Variants in TPST1 observed in about 807,000 individuals in gnomAD.
The protein encoded by TPST1 is tyrosylprotein sulfotransferase 1, also known as protein-tyrosine sulfotransferase 1.
TPST1 carries 20 observed loss-of-function variants against 34.8 expected under a neutral mutation model. The observed-to-expected ratio is 0.57, with a 90% CI of 0.40 to 0.84. The LOEUF is 0.84. Ranked by LOEUF, TPST1 falls within the 40% of genes least tolerant of loss-of-function variation. The pLI, the probability that TPST1 is intolerant of heterozygous loss-of-function variation, is 0.00. For missense variants in TPST1, 353 were observed against 455.5 expected, an observed-to-expected ratio of 0.78 and a Z score of 2.05; for synonymous variants, 152 against 159.4, an observed-to-expected ratio of 0.95 and a Z score of 0.35.
intron 3 of TPST1, among the ~76,000 whole-genome samples, chr7:66,313,257 T>C (rs1456884855): frequency 6.6e-6 from 1 of 151,524 alleles, no homozygotes; most frequent in Non-Finnish European, 1.5e-5. Context: ...CTACTGAAAA[T>C]ACAAAAAATT....
At chr7:66,342,971 C>G (rs1259666041) in intron 3 of TPST1, among the ~76,000 whole-genome samples, 3 of 152,114 alleles carry the variant, frequency 2.0e-5, no homozygotes, top group African/African-American at 7.2e-5. Context: ...GCAGCCCTCT[C>G]TAGCCTTCCT....
At chr7:66,247,533 T>A (rs1470349108) in intron 2 of TPST1, among the ~76,000 whole-genome samples, 2 of 152,164 alleles carry the variant, frequency 1.3e-5, no homozygotes, top group Non-Finnish European at 2.9e-5. Flanking sequence ...AACTGAGCCC[T>A]AAAGAAGGGT....
chr7:66,228,697 T>C (rs1584151909), intron 1 of TPST1, among the ~76,000 whole-genome samples: 2 of 152,316 alleles, frequency 1.3e-5, no homozygotes, highest in African/African-American at 2.4e-5. Flanking sequence ...GTTCATAAGA[T>C]GGAAAATACA....
At chr7:66,206,389 C>A (rs532371199) in intron 1 of TPST1, among the ~76,000 whole-genome samples, 1 of 152,308 alleles carries the variant, frequency 6.6e-6, no homozygotes, top group African/African-American at 2.4e-5. Context: ...TAGCCTCTTC[C>A]TCCTTCCAGG....
chr7:66,349,894 A>G (rs575218636), intron 3 of TPST1, among the ~76,000 whole-genome samples: 1 of 152,348 alleles, frequency 6.6e-6, no homozygotes, highest in East Asian at 1.9e-4. Flanking sequence ...TTCTTGACCC[A>G]CAGACAATAG....
chr7:66,210,008 C>G (rs760362295), intron 1 of TPST1, among the ~76,000 whole-genome samples: 3 of 152,006 alleles, frequency 2.0e-5, no homozygotes, highest in Non-Finnish European at 2.9e-5. Flanking sequence ...TCTCTGGTAG[C>G]ATTGTAGAGA....
At chr7:66,215,918 G>A (rs963637461) in intron 1 of TPST1, among the ~76,000 whole-genome samples, 1 of 150,912 alleles carries the variant, frequency 6.6e-6, no homozygotes, top group Non-Finnish European at 1.5e-5. Context: ...GACTACAGGC[G>A]CCCGCCACGA....
chr7:66,328,904 A>C (rs866106996), intron 3 of TPST1, among the ~76,000 whole-genome samples: 2 of 25,994 alleles, frequency 7.7e-5, no homozygotes, highest in Non-Finnish European at 1.2e-4. Context: ...ATATATATAT[A>C]TATTTTTTTT....
At chr7:66,269,299 G>T (rs1790652056) in intron 2 of TPST1, among the ~76,000 whole-genome samples, 1 of 152,098 alleles carries the variant, frequency 6.6e-6, no homozygotes, top group African/African-American at 2.4e-5. Context: ...TTACATAAAA[G>T]AAAACTTTAG....
At chr7:66,316,002 C>T (rs1584233807) in intron 3 of TPST1, among the ~76,000 whole-genome samples, 1 of 151,592 alleles carries the variant, frequency 6.6e-6, no homozygotes, top group Non-Finnish European at 1.5e-5. Flanking sequence ...CCCAGCTACT[C>T]GGGAGGCTGA....
Position 66,241,171 on chromosome 7 carries a change from G to A in TPST1, c.746G>A (p.Trp249Ter). 3.7e-6 allele frequency: 6 copies of A among 1,614,138 alleles called. No homozygotes were observed. The highest frequency in any genetic ancestry group is 5.1e-6 in the Non-Finnish European group (6 of 1,180,024). Residue 249 changes from tryptophan (W) to a stop codon, truncating the protein, a stop_gained, in exon 2 of 6, where the codon TGG (tryptophan) becomes TAG (stop). Transcript: ENST00000304842. LOFTEE classifies it high-confidence loss of function. Reference sequence around the variant, plus strand: ...CAACTTGTCTTACATCCTGAACGGTGGATGAGAACACTCTTAAAGTTCCTC... The same window carrying A: ...CAACTTGTCTTACATCCTGAACGGTAGATGAGAACACTCTTAAAGTTCCTC... ...YEQLVLHPER[W>*]MRTLLKFLQI...
At chr7:66,269,601 T>C (rs894677576) in intron 2 of TPST1, among the ~76,000 whole-genome samples, 9 of 84,702 alleles carry the variant, frequency 1.1e-4, no homozygotes, top group Non-Finnish European at 2.2e-4. Context: ...TACCTAGATA[T>C]AGTAAAGACT....
intron 3 of TPST1, among the ~76,000 whole-genome samples, chr7:66,293,059 A>C (rs956191753): frequency 6.6e-6 from 1 of 152,140 alleles, no homozygotes; most frequent in Non-Finnish European, 1.5e-5. Context: ...ACAAAAAATT[A>C]GCCAGGCGTG....
chr7:66,199,798 C>G, the TPST1 span, among the ~76,000 whole-genome samples: 1 of 151,662 alleles, frequency 6.6e-6, no homozygotes, highest in Non-Finnish European at 1.5e-5. Context: ...ACTGCAGCCT[C>G]TGCCTCCTGG....
chr7:66,209,623 T>G (rs1789204133), intron 1 of TPST1, among the ~76,000 whole-genome samples: 1 of 152,326 alleles, frequency 6.6e-6, no homozygotes, highest in East Asian at 1.9e-4. Flanking sequence ...ACCTGTAGAT[T>G]ATACAGGCTT....
At chr7:66,265,325 A>G (rs899701401) in intron 2 of TPST1, among the ~76,000 whole-genome samples, 1 of 152,108 alleles carries the variant, frequency 6.6e-6, no homozygotes, top group Non-Finnish European at 1.5e-5. Context: ...CAAAACAGGC[A>G]GGTCTCTTGA....
chr7:66,266,507 C>G (rs1190088807), intron 2 of TPST1, among the ~76,000 whole-genome samples: 1 of 152,148 alleles, frequency 6.6e-6, no homozygotes, highest in African/African-American at 2.4e-5. Flanking sequence ...CCTACAAATC[C>G]ACTCCTACAT....
intron 1 of TPST1, among the ~76,000 whole-genome samples, chr7:66,233,729 C>A (rs1461192169): frequency 6.6e-6 from 1 of 152,152 alleles, no homozygotes; most frequent in Admixed American, 6.5e-5. Context: ...ATCAGTGATA[C>A]CTGACTACGT....
At chr7:66,229,278 T>G (rs1316001699) in intron 1 of TPST1, among the ~76,000 whole-genome samples, 13 of 151,900 alleles carry the variant, frequency 8.6e-5, no homozygotes, top group Admixed American at 8.5e-4. Context: ...GCCCAGCTAA[T>G]TTTTTGTATT....
Sources: allele counts gnomAD v4.1 joint callset (sites outside exome capture counted in the v4.1 genomes callset), GRCh38; gene constraint gnomAD v4.1.1; transcripts MANE v1.5; gene names NCBI Gene and HGNC (gene_info 2026-07-23, HGNC 2026-07-21).